EFHC1: variants seen among roughly 807,000 people sequenced by gnomAD.
EFHC1 encodes EF-hand domain-containing protein 1.
Under a neutral mutation model 69.9 loss-of-function variants are expected in EFHC1, and 53 were observed. That is an observed-to-expected ratio of 0.76 (90% CI 0.61 to 0.95). The LOEUF is 0.95. Among genes scored for constraint, EFHC1 ranks in the 40% least tolerant of loss-of-function variants. The pLI, the probability that EFHC1 is intolerant of heterozygous loss-of-function variation, is 0.00. For missense variants in EFHC1, 739 were observed against 798.7 expected (o/e 0.93, Z 0.90); for synonymous variants, 256 against 278.4 (o/e 0.92, Z 0.80).
chr6:52,431,895 A>G (rs1453387501), intron 2 of EFHC1, among the ~76,000 whole-genome samples: 2 of 152,132 alleles, frequency 1.3e-5, no homozygotes, highest in East Asian at 3.8e-4. Flanking sequence ...AGGTGCATAT[A>G]TATTTAGGAT....
chr6:52,455,231 A>T (rs1228113554), intron 5 of EFHC1, among the ~76,000 whole-genome samples: 1 of 152,238 alleles, frequency 6.6e-6, no homozygotes, highest in Non-Finnish European at 1.5e-5. Flanking sequence ...TTCTCTTAGA[A>T]TAATGTCATC....
intron 2 of EFHC1, among the ~76,000 whole-genome samples, chr6:52,428,808 C>T (rs761768547): frequency 5.3e-5 from 8 of 152,166 alleles, no homozygotes; most frequent in Non-Finnish European, 1.0e-4. Flanking sequence ...TACTAGTTTA[C>T]ATTCCCACCA....
rs749554992 is a variant in EFHC1, at chr6:52,490,128, C to T, written c.1641-12C>T. On this transcript the variant is annotated splice_polypyrimidine_tract_variant and intron_variant, in intron 9 of 10. Coordinates refer to ENST00000371068, the MANE Select transcript of EFHC1 (RefSeq NM_018100.4). ...AATACCATGTGCAGTCATTTCCTTC[C>T]TTTCTCTACAGCAAGCAAACTGAAA... 11 of 1,612,840 alleles carry T rather than the reference C, an allele frequency of 6.8e-6. 1 individual carries two copies. Among genetic ancestry groups the T allele is most frequent in the South Asian group, 2.2e-5 (2 of 91,042 alleles).
chr6:52,420,898 GCCGC>G (rs1764175783), intron 1 of EFHC1: 1 of 538,408 alleles, frequency 1.9e-6, no homozygotes, highest in South Asian at 2.9e-5. Flanking sequence ...TCCGTCCATC[GCCGC>G]CCTTAAAACC....
At chr6:52,433,498 G>T (rs1405758804) in intron 2 of EFHC1, among the ~76,000 whole-genome samples, 2 of 152,190 alleles carry the variant, frequency 1.3e-5, no homozygotes, top group Non-Finnish European at 1.5e-5. Context: ...TGGTACTGGG[G>T]GTTGTCTGCA....
At chr6:52,426,282 C>T (rs1487446792) in intron 2 of EFHC1, among the ~76,000 whole-genome samples, 3 of 152,190 alleles carry the variant, frequency 2.0e-5, no homozygotes, top group African/African-American at 7.2e-5. Flanking sequence ...GAGAGGTTTA[C>T]TTTGCCAGCA....
intron 5 of EFHC1, among the ~76,000 whole-genome samples, chr6:52,461,648 G>T (rs1765170306): frequency 6.6e-6 from 1 of 152,004 alleles, no homozygotes; most frequent in African/African-American, 2.4e-5. Context: ...TCACCACACT[G>T]CTTTCCACGG....
In EFHC1 at chr6:52,490,189, G is replaced by A. The variant is rs1455137394; in HGVS notation, c.1690G>A (p.Asp564Asn). The change falls in exon 10 of 11, where the codon GAC becomes AAC. Residue 564 changes from aspartate to asparagine, a missense_variant. Physicochemically the swap from Asp to Asn is conservative, Grantham distance 23. Transcript: ENST00000371068. ...CGTGCAGGAATTGGAAGCATTAATAGACACAATTCAGAAGCAACTGAAAGA... is the reference window on the plus strand; with the variant it reads ...CGTGCAGGAATTGGAAGCATTAATAAACACAATTCAGAAGCAACTGAAAGA... ...PGVQELEALI[D>N]TIQKQLKDHS... 7 of 1,613,932 alleles carry A rather than the reference G, an allele frequency of 4.3e-6. No individual in the cohort carries two copies. In the East Asian group the frequency reaches 1.6e-4, roughly 36 times the overall value.
intron 7 of EFHC1, among the ~76,000 whole-genome samples, chr6:52,470,526 A>G (rs1765414552): frequency 6.6e-6 from 1 of 152,220 alleles, no homozygotes; most frequent in African/African-American, 2.4e-5. Context: ...CACATTATCC[A>G]TGAGTAAGGC....
At chr6:52,492,030 C>T (rs777925435) in intron 10 of EFHC1, among the ~76,000 whole-genome samples, 13 of 152,150 alleles carry the variant, frequency 8.5e-5, no homozygotes, top group African/African-American at 1.2e-4. Context: ...CTCATTCTTT[C>T]GGCCTTCAAC....
At chr6:52,459,464 G>T (rs889290542) in intron 5 of EFHC1, among the ~76,000 whole-genome samples, 2 of 152,140 alleles carry the variant, frequency 1.3e-5, no homozygotes, top group African/African-American at 2.4e-5. Context: ...AAATATATTT[G>T]CCATAGTTAC....
In EFHC1 at chr6:52,495,038, C is replaced by G. The variant is rs1296943020; in HGVS notation, c.*2697C>G. 2.2e-6 allele frequency: 1 copy of G among 454,040 alleles called. No homozygotes were observed. The highest frequency in any genetic ancestry group is 2.3e-5 in the Admixed American group (1 of 42,564). 28.1% of individuals were successfully genotyped at this position (454,040 alleles called of 1,614,324 possible). A position where few individuals can be genotyped will look rare whatever the true frequency, so the allele number is the denominator to read the frequency against. On this transcript the variant is annotated 3_prime_UTR_variant, in exon 11 of 11. Transcript: ENST00000371068. ...TTCCAACCGGAAACTGCCCAGTGCACCACTCTCAGATGGACGGGACCCAGT... is the reference window on the plus strand; with the variant it reads ...TTCCAACCGGAAACTGCCCAGTGCAGCACTCTCAGATGGACGGGACCCAGT...
At chr6:52,472,243 A>G (rs1441402560) in intron 7 of EFHC1, among the ~76,000 whole-genome samples, 1 of 152,210 alleles carries the variant, frequency 6.6e-6, no homozygotes, top group Admixed American at 6.5e-5. Context: ...AGTCTACTGC[A>G]AACAGCTTAC....
At chr6:52,440,663 C>T (rs1764642233) in intron 3 of EFHC1, among the ~76,000 whole-genome samples, 1 of 151,946 alleles carries the variant, frequency 6.6e-6, no homozygotes, top group African/African-American at 2.4e-5. Flanking sequence ...TAATGAGATT[C>T]CTAGGTCAAA....
intron 4 of EFHC1, chr6:52,453,082 C>T (rs1470889767): frequency 6.8e-7 from 1 of 1,478,110 alleles, no homozygotes; most frequent in Non-Finnish European, 9.0e-7. Context: ...CCTCACCAAA[C>T]ATTTAAATCT....
In EFHC1 at chr6:52,480,114, GATAAC is replaced by G. The variant is rs1765643300; in HGVS notation, c.1640+332_1640+336del. 9.0e-6 allele frequency: 5 copies of G among 554,788 alleles called. No individual in the cohort carries two copies. The South Asian group carries it at 1.1e-4, about 12-fold the overall frequency. The allele number at this position is 554,788 out of a possible 1,614,324, so 34.4% of individuals were successfully genotyped here. On this transcript the variant is annotated intron_variant, in intron 9 of 10. Coordinates refer to ENST00000371068, the MANE Select transcript of EFHC1 (RefSeq NM_018100.4). ...CCTACTCTTGACTGTAAGCCTTACT[GATAAC>G]ATAAACAGTTGATTAACACATATTT...
Position 52,421,969 on chromosome 6 carries a change from T to G in EFHC1, c.63+1496T>G, listed in dbSNP as rs373487115. On this transcript the variant is annotated intron_variant, in intron 1 of 10. Coordinates refer to ENST00000371068, the MANE Select transcript of EFHC1 (RefSeq NM_018100.4). Reference sequence around the variant, plus strand: ...TAAGAAGAACTGTGCATTGGACATATTTCAGATTTTAAATACACTGGCCAA... The same window carrying G: ...TAAGAAGAACTGTGCATTGGACATAGTTCAGATTTTAAATACACTGGCCAA... 4.6e-5 allele frequency among the ~76,000 whole-genome samples: 7 copies of G among 152,362 alleles called. 1 individual carries two copies. The highest frequency in any genetic ancestry group is 1.7e-4 in the African/African-American group (7 of 41,582).
At chr6:52,442,600 C>T (rs538973950) in intron 3 of EFHC1, among the ~76,000 whole-genome samples, 39 of 152,292 alleles carry the variant, frequency 2.6e-4, no homozygotes, top group Admixed American at 1.5e-3. Context: ...CCAGCTTCAT[C>T]CATGTCCCTA....
chr6:52,469,150 A>G, intron 6 of EFHC1, 183 bp from the exon 7 acceptor site: 1 of 717,634 alleles, frequency 1.4e-6, no homozygotes. Context: ...AGTGAACATG[A>G]TGCAAAATCC....
Sources: gnomAD v4.1 joint callset for allele counts (sites outside exome capture counted in the v4.1 genomes callset) on GRCh38, gnomAD v4.1.1 for gene constraint, MANE v1.5 for transcripts, NCBI Gene and HGNC (gene_info 2026-07-23, HGNC 2026-07-21) for gene names.